The following SCAI variants were observed in gnomAD, a reference collection of about 807,000 sequenced individuals.
SCAI encodes suppressor of cancer cell invasion.
In SCAI, 24 loss-of-function variants were observed where a neutral mutation model predicts 92.2. That is an observed-to-expected ratio of 0.26 (90% CI 0.19 to 0.37). The LOEUF is 0.37. SCAI is among the 10% of genes least tolerant of loss of function. The pLI is 1.00. For synonymous variants in SCAI, 261 were observed against 258.6 expected (o/e 1.01, Z -0.09); for missense variants, 450 against 736.2 (o/e 0.61, Z 4.50).
chr9:124,988,076 C>T (rs1158914471), intron 14 of SCAI, among the ~76,000 whole-genome samples: 2 of 152,012 alleles, frequency 1.3e-5, no homozygotes, highest in African/African-American at 2.4e-5. Flanking sequence ...CACATGCACA[C>T]ACATACACAC....
At chr9:124,954,195 T>A (rs1428262614) in intron 17 of SCAI, among the ~76,000 whole-genome samples, 1 of 152,062 alleles carries the variant, frequency 6.6e-6, no homozygotes, top group Non-Finnish European at 1.5e-5. Flanking sequence ...AGACAGAAAA[T>A]CAACAAAAAT....
At position 125,015,672 on chromosome 9, in the gene SCAI, A is replaced by G. The variant is rs556680281; in HGVS notation, c.861+3127T>C. Among the ~76,000 whole-genome samples, 207 of 152,302 alleles carry G rather than the reference A, an allele frequency of 1.4e-3. 3 individuals are homozygous for G. The highest frequency in any genetic ancestry group is 4.6e-3 in the African/African-American group (192 of 41,572). On this transcript the variant is annotated intron_variant, in intron 9 of 17. Coordinates refer to ENST00000336505, the MANE Select transcript of SCAI (RefSeq NM_001144877.3). Reference sequence around the variant, plus strand: ...AAATACCATTTGACCCAGCCATCCCATTACTGGGTATATACCCAATGGACT... The same window carrying G: ...AAATACCATTTGACCCAGCCATCCCGTTACTGGGTATATACCCAATGGACT...
chr9:125,066,052 T>G (rs369532714), intron 2 of SCAI: 7 of 766,830 alleles, frequency 9.1e-6, no homozygotes, highest in Non-Finnish European at 1.7e-5. Context: ...CACCAGAACC[T>G]CTGATACTGT....
At chr9:125,108,721 G>A (rs547607431) in intron 2 of SCAI, among the ~76,000 whole-genome samples, 3 of 147,750 alleles carry the variant, frequency 2.0e-5, no homozygotes, top group Non-Finnish European at 3.0e-5. Flanking sequence ...CCCGGCAGCC[G>A]CCCCGTCCAG....
chr9:125,021,666 G>C (rs1398211399), intron 6 of SCAI, among the ~76,000 whole-genome samples: 1 of 152,054 alleles, frequency 6.6e-6, no homozygotes, highest in African/African-American at 2.4e-5. Flanking sequence ...CCTTACAACA[G>C]TGTATTTTTT....
rs77877356 is a variant in SCAI, at chr9:125,016,387, CAATA to C, written c.861+2408_861+2411del. On this transcript the variant is annotated intron_variant, in intron 9 of 17. Transcript: ENST00000336505. Reference sequence around the variant, plus strand: ...TAGGAGACAGAGCAAGACTCTGTCTCAATAAATAAATAAATAAATAAATAAATAA... The same window carrying C: ...TAGGAGACAGAGCAAGACTCTGTCTCAATAAATAAATAAATAAATAAATAA... Among the ~76,000 whole-genome samples the C allele has an allele frequency of 9.4e-3, 1,234 of 131,640 alleles. 12 individuals carry two copies. The highest frequency in any genetic ancestry group is 0.025 in the African/African-American group (875 of 34,828). 86.4% of individuals were successfully genotyped at this position (131,640 alleles called of 152,430 possible).
At chr9:124,955,000 T>C (rs1831291924) in intron 17 of SCAI, among the ~76,000 whole-genome samples, 2 of 151,992 alleles carry the variant, frequency 1.3e-5, no homozygotes, top group South Asian at 4.2e-4. Flanking sequence ...ACCTCATCTC[T>C]ACTAAAAATA....
chr9:125,078,980 TATA>T (rs1182123210), intron 2 of SCAI, among the ~76,000 whole-genome samples: 1 of 152,204 alleles, frequency 6.6e-6, no homozygotes, highest in Non-Finnish European at 1.5e-5. Flanking sequence ...TATTTTCGTA[TATA>T]ATAAGCTTGT....
chr9:125,142,082 C>T (rs1835680004), intron 2 of SCAI, among the ~76,000 whole-genome samples: 1 of 152,150 alleles, frequency 6.6e-6, no homozygotes, highest in South Asian at 2.1e-4. Context: ...AGGTCCACAA[C>T]ACCCGCTCAG....
intron 2 of SCAI, among the ~76,000 whole-genome samples, chr9:125,089,703 G>C (rs1834392060): frequency 6.6e-6 from 1 of 151,890 alleles, no homozygotes; most frequent in East Asian, 1.9e-4. Flanking sequence ...GGCAGTGTTT[G>C]TTTGTTTTGT....
At chr9:124,991,529 A>C (rs907750588) in intron 14 of SCAI, among the ~76,000 whole-genome samples, 5 of 151,926 alleles carry the variant, frequency 3.3e-5, no homozygotes, top group Admixed American at 3.3e-4. Context: ...TCAGTTACCC[A>C]GTTCTCTTTT....
At chr9:125,108,601 G>A (rs1398090336) in intron 2 of SCAI, among the ~76,000 whole-genome samples, 2 of 143,558 alleles carry the variant, frequency 1.4e-5, no homozygotes, top group Admixed American at 1.4e-4. Context: ...CCCGGCAGCC[G>A]CCCCGTCTGA....
intron 3 of SCAI, among the ~76,000 whole-genome samples, chr9:125,046,058 T>G (rs1208936758): frequency 1.3e-5 from 2 of 151,118 alleles, no homozygotes; most frequent in Non-Finnish European, 2.9e-5. Context: ...CTACTGGGTA[T>G]CTACCCAGAG....
intron 14 of SCAI, among the ~76,000 whole-genome samples, chr9:124,979,649 T>C (rs558254971): frequency 3.3e-5 from 5 of 152,264 alleles, no homozygotes; most frequent in Admixed American, 1.3e-4. Flanking sequence ...TAGGGAGAGA[T>C]AGGAATTTAG....
intron 2 of SCAI, among the ~76,000 whole-genome samples, chr9:125,133,102 A>T (rs1835437157): frequency 1.3e-5 from 2 of 152,094 alleles, no homozygotes. Flanking sequence ...CTAATAATGA[A>T]TTTGTGGCCA....
intron 2 of SCAI, among the ~76,000 whole-genome samples, chr9:125,125,640 G>A (rs748596771): frequency 1.3e-5 from 2 of 151,704 alleles, no homozygotes; most frequent in Non-Finnish European, 2.9e-5. Context: ...GATCAGCCTG[G>A]CCAACATGAC....
chr9:125,047,043 G>A (rs1369679234), intron 3 of SCAI, among the ~76,000 whole-genome samples: 2 of 152,012 alleles, frequency 1.3e-5, no homozygotes, highest in Non-Finnish European at 2.9e-5. Flanking sequence ...AAAACCCACT[G>A]GTAACATTTC....
chr9:124,971,320 T>G, intron 17 of SCAI, 50 bp downstream of exon 17: 1 of 1,045,302 alleles, frequency 9.6e-7, no homozygotes, highest in Non-Finnish European at 1.4e-6. Context: ...TACATGGTTC[T>G]TAAATACCTA....
intron 15 of SCAI, 65 bp from the exon 16 acceptor site, chr9:124,971,909 G>T: frequency 1.1e-6 from 1 of 896,492 alleles, no homozygotes; most frequent in Non-Finnish European, 1.6e-6. Flanking sequence ...ATACATATGA[G>T]GAACATTTTA....
Sources: gnomAD v4.1 joint callset for allele counts (sites outside exome capture counted in the v4.1 genomes callset) on GRCh38, gnomAD v4.1.1 for gene constraint, MANE v1.5 for transcripts, NCBI Gene and HGNC (gene_info 2026-07-23, HGNC 2026-07-21) for gene names.